The following TIAM1 variants were observed in gnomAD, a reference collection of about 807,000 sequenced individuals.
The protein encoded by TIAM1 is rho guanine nucleotide exchange factor TIAM1.
A neutral mutation model predicts 163.5 loss-of-function variants in TIAM1; 65 were observed. The ratio of observed to expected loss-of-function variants is 0.40; its 90% confidence interval spans 0.33 to 0.49. The LOEUF (loss-of-function observed/expected upper bound fraction) is 0.49. Ranked by LOEUF, TIAM1 falls within the 20% of genes least tolerant of loss-of-function variation. The pLI is 0.77. For missense variants in TIAM1, 1,789 were observed against 2,044.7 expected (o/e 0.87, Z 2.41); for synonymous variants, 833 against 810.1 (o/e 1.03, Z -0.48).
chr21:31,195,142 C>A (rs2085781042), intron 13 of TIAM1, 82 bp downstream of exon 13: 3 of 1,136,522 alleles, frequency 2.6e-6, no homozygotes, highest in Non-Finnish European at 3.9e-6. Context: ...GACTCAAAGG[C>A]ATTTTGTTGA....
chr21:31,363,217 G>C (rs556150774), intron 2 of TIAM1, among the ~76,000 whole-genome samples: 3 of 152,138 alleles, frequency 2.0e-5, no homozygotes, highest in Non-Finnish European at 4.4e-5. Context: ...GGCCTGAGAA[G>C]AACTAATCTG....
chr21:31,243,209 A>AAT lies in TIAM1; in HGVS notation c.1584+2277_1584+2278dup, dbSNP rs1555902486. On this transcript the variant is annotated intron_variant, in intron 6 of 27. Transcript: ENST00000541036. ...CTTCATCTCAAAAAAAAAAAAAAAA[A>AAT]ATATATATATATATATGTATATTTC... 4.9e-3 allele frequency among the ~76,000 whole-genome samples: 578 copies of AAT among 117,170 alleles called. 4 individuals carry two copies. The highest frequency in any genetic ancestry group is 0.026 in the East Asian group (105 of 4,078). 76.9% of individuals were successfully genotyped at this position (117,170 alleles called of 152,430 possible).
chr21:31,456,131 T>A (rs1290366718), intron 2 of TIAM1, among the ~76,000 whole-genome samples: 1 of 151,960 alleles, frequency 6.6e-6, no homozygotes, highest in Non-Finnish European at 1.5e-5. Flanking sequence ...CAGAAGGGGG[T>A]TGTTGGAAAA....
At chr21:31,463,935 T>A (rs1157422712) in intron 2 of TIAM1, 4 of 152,006 alleles carry the variant, frequency 2.6e-5, no homozygotes, top group Admixed American at 2.6e-4. Context: ...CCCTAGAAAG[T>A]CCTTCAAAGC....
At chr21:31,473,429 CAAAAAAAAAAAAAAAAAAA>C (rs56691495) in intron 1 of TIAM1, among the ~76,000 whole-genome samples, 21 of 75,740 alleles carry the variant, frequency 2.8e-4, no homozygotes, top group South Asian at 1.3e-3. Flanking sequence ...GACTCCATCT[CAAAAAAAAAAAAAAAAAAA>C]AAAAAAAAAA....
At chr21:31,436,394 T>C (rs1489490519) in intron 2 of TIAM1, among the ~76,000 whole-genome samples, 1 of 152,128 alleles carries the variant, frequency 6.6e-6, no homozygotes, top group Non-Finnish European at 1.5e-5. Context: ...TCTCAGCACT[T>C]TGGGAGACTA....
chr21:31,404,945 A>G (rs1463397663), intron 2 of TIAM1, among the ~76,000 whole-genome samples: 1 of 152,148 alleles, frequency 6.6e-6, no homozygotes, highest in African/African-American at 2.4e-5. Context: ...ATTGGCCCTT[A>G]AAACTTGCAG....
At chr21:31,459,116 T>C (rs1314198249) in intron 2 of TIAM1, among the ~76,000 whole-genome samples, 1 of 151,396 alleles carries the variant, frequency 6.6e-6, no homozygotes, top group Non-Finnish European at 1.5e-5. Flanking sequence ...TTGATTGCTA[T>C]TGATTGATTG....
intron 6 of TIAM1, among the ~76,000 whole-genome samples, chr21:31,230,029 G>A (rs935366084): frequency 6.6e-6 from 1 of 152,202 alleles, no homozygotes; most frequent in Non-Finnish European, 1.5e-5. Context: ...GCACTAAGGA[G>A]AGGCTATGGT....
At chr21:31,268,052 T>C (rs1040777762) in intron 3 of TIAM1, among the ~76,000 whole-genome samples, 5 of 152,198 alleles carry the variant, frequency 3.3e-5, no homozygotes, top group African/African-American at 7.2e-5. Context: ...GAAGTCTCTC[T>C]AGCGCACTTC....
intron 9 of TIAM1, among the ~76,000 whole-genome samples, chr21:31,215,321 T>C (rs575957414): frequency 3.9e-4 from 60 of 152,176 alleles, no homozygotes; most frequent in African/African-American, 1.4e-3. Flanking sequence ...CCAGGCGCAG[T>C]GGCTCATGCC....
chr21:31,453,180 G>A (rs575847887), intron 2 of TIAM1: 15 of 263,368 alleles, frequency 5.7e-5, no homozygotes, highest in African/African-American at 9.1e-5. Context: ...GTGTTACGGC[G>A]GTGGAAAAAC....
At chr21:31,238,762 G>A (rs140769821) in intron 6 of TIAM1, among the ~76,000 whole-genome samples, 1,590 of 152,268 alleles carry the variant, frequency 0.01, 27 homozygotes, top group African/African-American at 0.036. Flanking sequence ...TCTTGCCCAC[G>A]TTCTTCTTAG....
chr21:31,478,431 C>G (rs908531352), intron 1 of TIAM1, among the ~76,000 whole-genome samples: 3 of 152,172 alleles, frequency 2.0e-5, no homozygotes, highest in African/African-American at 7.2e-5. Flanking sequence ...CATTGTCACT[C>G]CCCAGAGGTA....
At chr21:31,239,285 G>A (rs1351886567) in intron 6 of TIAM1, among the ~76,000 whole-genome samples, 1 of 151,994 alleles carries the variant, frequency 6.6e-6, no homozygotes, top group African/African-American at 2.4e-5. Context: ...ATCGTGTCCA[G>A]CTAATTTTTT....
rs75845305 is a variant in TIAM1, at chr21:31,147,289, G to T, written c.3367-286C>A. ...TGTCTTTTAATAACCTATCCGGGCT[G>T]TTTGAATGTTGATGAGAAAGTATAT... On this transcript the variant is annotated intron_variant, in intron 19 of 27. Transcript: ENST00000541036. Among the ~76,000 whole-genome samples the T allele has an allele frequency of 2.0e-5, 3 of 152,116 alleles. No homozygotes were observed. The South Asian group carries it at 6.2e-4, about 32-fold the overall frequency.
intron 22 of TIAM1, among the ~76,000 whole-genome samples, chr21:31,138,608 T>C (rs1283067633): frequency 6.6e-6 from 1 of 152,242 alleles, no homozygotes; most frequent in East Asian, 1.9e-4. Context: ...TCTTCCAATA[T>C]ACTGCTGAGA....
At chr21:31,179,529 G>A (rs2084917116) in intron 15 of TIAM1, among the ~76,000 whole-genome samples, 1 of 148,904 alleles carries the variant, frequency 6.7e-6, no homozygotes, top group Non-Finnish European at 1.5e-5. Flanking sequence ...TCAGCTCCGA[G>A]TTATGGCCGC....
intron 1 of TIAM1, among the ~76,000 whole-genome samples, chr21:31,502,993 G>A (rs1345894693): frequency 6.6e-6 from 1 of 152,186 alleles, no homozygotes; most frequent in Non-Finnish European, 1.5e-5. Flanking sequence ...AGTGGCTCAC[G>A]CCTGCTGTGA....
Sources: allele counts gnomAD v4.1 joint callset (sites outside exome capture counted in the v4.1 genomes callset), GRCh38; gene constraint gnomAD v4.1.1; transcripts MANE v1.5; gene names NCBI Gene and HGNC (gene_info 2026-07-23, HGNC 2026-07-21).